NRG3: variants seen among roughly 807,000 people sequenced by gnomAD.
NRG3 encodes pro-neuregulin-3, membrane-bound isoform.
NRG3 carries 31 observed loss-of-function variants against 66.9 expected under a neutral mutation model. The observed-to-expected ratio is 0.46, with a 90% CI of 0.35 to 0.63. The LOEUF (loss-of-function observed/expected upper bound fraction) is 0.63, where lower values mean the gene tolerates loss of function less well. Among genes scored for constraint, NRG3 ranks in the 20% least tolerant of loss-of-function variants. The pLI, the probability that NRG3 is intolerant of heterozygous loss-of-function variation, is 0.00. For synonymous variants in NRG3, 393 were observed against 359.4 expected (o/e 1.09, Z -1.06); for missense variants, 910 against 878.9 (o/e 1.04, Z -0.45).
intron 8 of NRG3, 58 bp from the exon 9 acceptor site, chr10:82,985,040 A>G: frequency 6.3e-7 from 1 of 1,576,318 alleles, no homozygotes; most frequent in Non-Finnish European, 8.6e-7. Context: ...TGGATTGAGT[A>G]TTGCTCTAAC....
chr10:82,211,851 G>C (rs185007371), intron 1 of NRG3, among the ~76,000 whole-genome samples: 1 of 152,194 alleles, frequency 6.6e-6, no homozygotes, highest in African/African-American at 2.4e-5. Context: ...GCATATTTTA[G>C]AGGGACCATA....
At chr10:82,702,991 A>G (rs1572333) in intron 2 of NRG3, among the ~76,000 whole-genome samples, 86,504 of 151,042 alleles carry the variant, frequency 0.57, 27,274 homozygotes, top group East Asian at 0.73. Flanking sequence ...TATTTTATCT[A>G]TTTTTTCTTG....
At chr10:81,975,563 A>AGTATC (rs1394070083) in intron 1 of NRG3, among the ~76,000 whole-genome samples, 40 of 152,084 alleles carry the variant, frequency 2.6e-4, no homozygotes, top group African/African-American at 8.0e-4. Flanking sequence ...GCAGGCCACA[A>AGTATC]ATTAAAGTAT....
chr10:82,922,102 G>A (rs2475796), intron 4 of NRG3, among the ~76,000 whole-genome samples: 9,739 of 151,630 alleles, frequency 0.064, 337 homozygotes, highest in East Asian at 0.087. Flanking sequence ...CCCACCACCC[G>A]CCACCTCTCT....
chr10:82,040,101 A>T (rs534302071), intron 1 of NRG3, among the ~76,000 whole-genome samples: 1 of 152,248 alleles, frequency 6.6e-6, no homozygotes, highest in African/African-American at 2.4e-5. Flanking sequence ...TGGAAATAAA[A>T]GTTGATAAAA....
chr10:82,306,173 G>A (rs1248463314), intron 1 of NRG3, among the ~76,000 whole-genome samples: 1 of 152,012 alleles, frequency 6.6e-6, no homozygotes. Context: ...AACTATGCTT[G>A]GATTATTTGT....
intron 2 of NRG3, among the ~76,000 whole-genome samples, chr10:82,367,419 T>G (rs1361110225): frequency 6.6e-6 from 1 of 152,146 alleles, no homozygotes; most frequent in African/African-American, 2.4e-5. Context: ...GCCAATAGAC[T>G]CCAGAATTTA....
At chr10:82,530,842 A>G (rs528528849) in intron 2 of NRG3, among the ~76,000 whole-genome samples, 1 of 152,006 alleles carries the variant, frequency 6.6e-6, no homozygotes, top group East Asian at 1.9e-4. Flanking sequence ...GAATGAGTTT[A>G]TATTGTATAT....
chr10:82,113,466 A>G (rs2067510274), intron 1 of NRG3, among the ~76,000 whole-genome samples: 1 of 152,178 alleles, frequency 6.6e-6, no homozygotes, highest in South Asian at 2.1e-4. Context: ...ATTAGATGCA[A>G]CCGTGTGATA....
chr10:82,337,140 G>A (rs548967169), intron 1 of NRG3, among the ~76,000 whole-genome samples: 4 of 152,174 alleles, frequency 2.6e-5, no homozygotes, highest in African/African-American at 9.6e-5. Context: ...AGGAAACCAA[G>A]GTTAACAGAT....
chr10:82,330,533 A>T (rs2082093460), intron 1 of NRG3, among the ~76,000 whole-genome samples: 1 of 152,156 alleles, frequency 6.6e-6, no homozygotes, highest in South Asian at 2.1e-4. Context: ...CAATTTTAAT[A>T]TTTCTATTCA....
chr10:82,582,298 A>T (rs547754669), intron 2 of NRG3, among the ~76,000 whole-genome samples: 48 of 152,208 alleles, frequency 3.2e-4, no homozygotes, highest in African/African-American at 1.1e-3. Context: ...GGAGGTAAGG[A>T]TACATATCTC....
intron 1 of NRG3, among the ~76,000 whole-genome samples, chr10:82,160,758 A>G (rs572252913): frequency 5.9e-5 from 9 of 152,174 alleles, no homozygotes; most frequent in African/African-American, 2.2e-4. Context: ...AAAGACCAAC[A>G]TTCAGTTAGT....
intron 1 of NRG3, among the ~76,000 whole-genome samples, chr10:82,316,756 T>A (rs1400929494): frequency 6.6e-6 from 1 of 152,224 alleles, no homozygotes; most frequent in African/African-American, 2.4e-5. Flanking sequence ...TGTCCTTGTT[T>A]TCCTGTAGAG....
intron 2 of NRG3, among the ~76,000 whole-genome samples, chr10:82,387,560 G>A (rs144810105): frequency 6.6e-6 from 1 of 152,162 alleles, no homozygotes; most frequent in Non-Finnish European, 1.5e-5. Context: ...TTTTTAGCTG[G>A]AAAACATGTA....
chr10:82,723,108 G>C (rs1168429802), intron 2 of NRG3, among the ~76,000 whole-genome samples: 2 of 152,008 alleles, frequency 1.3e-5, no homozygotes, highest in Non-Finnish European at 2.9e-5. Flanking sequence ...AGAAAAATGA[G>C]GTAATATACA....
intron 1 of NRG3, among the ~76,000 whole-genome samples, chr10:82,088,429 G>T: frequency 6.6e-6 from 1 of 152,088 alleles, no homozygotes; most frequent in East Asian, 1.9e-4. Flanking sequence ...GCAAACTATT[G>T]ATATAAATGC....
chr10:82,853,266 G>T (rs1418298960), intron 3 of NRG3, among the ~76,000 whole-genome samples: 1 of 152,152 alleles, frequency 6.6e-6, no homozygotes, highest in Non-Finnish European at 1.5e-5. Context: ...TCTTGCTTTG[G>T]CTATGTGGGC....
rs140113182 is a variant in NRG3 at position 82,916,977 on chromosome 10, C to T, written c.1055-34492C>T. ...TCCAACACTAATTTAAATTTTTCCCCTTGAATCAGTCAGAATTTCTCCTGT... is the reference window on the plus strand; with the variant it reads ...TCCAACACTAATTTAAATTTTTCCCTTTGAATCAGTCAGAATTTCTCCTGT... On this transcript the variant is annotated intron_variant, in intron 4 of 8. Coordinates refer to ENST00000372141, the MANE Select transcript of NRG3 (RefSeq NM_001010848.4). Among the ~76,000 whole-genome samples, 591 of 152,268 alleles carry T rather than the reference C, an allele frequency of 3.9e-3. 5 individuals carry two copies. The highest frequency in any genetic ancestry group is 0.014 in the African/African-American group (573 of 41,546).
Sources: allele counts gnomAD v4.1 joint callset (sites outside exome capture counted in the v4.1 genomes callset), GRCh38; gene constraint gnomAD v4.1.1; transcripts MANE v1.5; gene names NCBI Gene and HGNC (gene_info 2026-07-23, HGNC 2026-07-21).